The following ZNF320 variants were observed in gnomAD, a reference collection of about 807,000 sequenced individuals.
ZNF320 encodes the protein zinc finger gene 320.
In ZNF320, 2 loss-of-function variants were observed where a neutral mutation model predicts 6.8. The ratio of observed to expected loss-of-function variants is 0.29; its 90% CI spans 0.12 to 0.93. The LOEUF (loss-of-function observed/expected upper bound fraction) is 0.93, where lower values mean the gene tolerates loss of function less well. ZNF320 is among the 40% of genes least tolerant of loss of function. The probability of loss-of-function intolerance (pLI) is 0.55; values close to 1 mark genes in which losing one functional copy is unlikely to be tolerated. For missense variants in ZNF320, 472 were observed against 611.0 expected (o/e 0.77, Z 2.40); for synonymous variants, 208 against 203.2 (o/e 1.02, Z -0.20).
At chr19:52,891,566 G>A (rs1017356416) in intron 2 of ZNF320, among the ~76,000 whole-genome samples, 1 of 152,120 alleles carries the variant, frequency 6.6e-6, no homozygotes, top group Non-Finnish European at 1.5e-5. Flanking sequence ...GACAGGAAGG[G>A]TTTTGATGTT....
In ZNF320 at chr19:52,881,276, G is replaced by A; in HGVS notation, c.850C>T (p.Arg284Ter). 7 of 1,613,970 alleles carry A rather than the reference G, an allele frequency of 4.3e-6. No homozygotes were observed. Among genetic ancestry groups the A allele is most frequent in the Non-Finnish European group, 5.9e-6 (7 of 1,179,974 alleles). Residue 284 changes from arginine to a stop codon, truncating the protein, a stop_gained, in exon 6 of 6, where the codon CGA becomes TGA. Coordinates refer to ENST00000682928, the MANE Select transcript of ZNF320 (RefSeq NM_001351774.2). LOFTEE classifies it low-confidence loss of function (END_TRUNC). ...KCNECGKTFA[R>*]NSVLVIHKAV... is the part of the protein sequence containing the mutation. The stretch of plus-strand genomic sequence containing the variant: ...TTATGAATTACGAGGACTGAATTTC[G>A]AGCGAAGGTCTTGCCACACTCATTA...
chr19:52,862,616 T>C (rs1203449168), exon 6 of ZNF320: 2 of 493,034 alleles, frequency 4.1e-6, no homozygotes, highest in African/African-American at 2.0e-5. Context: ...GATTGCTTGA[T>C]GGTGAATAGG....
intron 2 of ZNF320, among the ~76,000 whole-genome samples, chr19:52,892,552 AC>A (rs2064329633): frequency 6.6e-6 from 1 of 152,146 alleles, no homozygotes; most frequent in Non-Finnish European, 1.5e-5. Context: ...GGAGTTCGAG[AC>A]CAACCTGGCA....
upstream of ZNF320, among the ~76,000 whole-genome samples, chr19:52,901,416 C>T (rs190843574): frequency 9.9e-5 from 15 of 152,238 alleles, no homozygotes; most frequent in East Asian, 1.9e-3. Context: ...AGTCAGCTTC[C>T]GGGTGTGACT....
intron 2 of ZNF320, among the ~76,000 whole-genome samples, chr19:52,893,096 G>C (rs1396956959): frequency 6.7e-6 from 1 of 149,836 alleles, no homozygotes; most frequent in Non-Finnish European, 1.5e-5. Context: ...TCTTTTCTCT[G>C]TCTCAGGTTT....
rs1181103740 is a variant in ZNF320 at position 52,881,183 on chromosome 19, T to C, written c.943A>G (p.Thr315Ala). 6.2e-7 allele frequency: 1 copy of C among 1,613,584 alleles called. No homozygotes were observed. Among genetic ancestry groups the C allele is most frequent in the East Asian group, 2.2e-5 (1 of 44,806 alleles). ...TGAACTCTACGATGTCCTGCAAGAG[T>C]TGCTCGTTGCTTAAAAACCTTGCCA... ...ECGKVFKQRA[T>A]LAGHRRVHTG... Residue 315 changes from threonine (T) to alanine (A), a missense_variant, in exon 6 of 6, where the codon ACT (threonine) becomes GCT (alanine). Thr to Ala is a moderately conservative substitution (Grantham distance 58). This residue lies in a region of ZNF320 where 462 missense variants were observed against 559.7 expected (regional missense o/e 0.83). Transcript: ENST00000682928.
At chr19:52,875,733 T>C (rs2063754335), downstream of ZNF320, among the ~76,000 whole-genome samples, 1 of 151,378 alleles carries the variant, frequency 6.6e-6, no homozygotes. Flanking sequence ...TGAGTCAAGA[T>C]GGTGCCACTG....
intron 5 of ZNF320, chr19:52,865,432 C>CTTTTTT (rs199736368): frequency 2.6e-4 from 29 of 113,514 alleles, no homozygotes; most frequent in Admixed American, 4.8e-4. Flanking sequence ...AGGGTCCAGG[C>CTTTTTT]TTTATATATA....
rs10404765 is a variant in ZNF320, at chr19:52,889,845, T to C, written c.15+396A>G. Among the ~76,000 whole-genome samples the C allele has an allele frequency of 6.4e-3, 972 of 152,280 alleles. 11 individuals are homozygous for C. Among genetic ancestry groups the C allele is most frequent in the African/African-American group, 0.022 (922 of 41,554 alleles). On this transcript the variant is annotated intron_variant, in intron 4 of 5. Coordinates refer to ENST00000682928, the MANE Select transcript of ZNF320 (RefSeq NM_001351774.2). ...CTATTATTGGTCTCTCTTTCTAGAATTTACCATGCACTTTGTGCACATTAA... is the reference window on the plus strand; with the variant it reads ...CTATTATTGGTCTCTCTTTCTAGAACTTACCATGCACTTTGTGCACATTAA...
intron 4 of ZNF320, 122 bp downstream of exon 4, chr19:52,890,119 T>C (rs2064238814): frequency 2.1e-6 from 3 of 1,434,594 alleles, no homozygotes; most frequent in African/African-American, 2.8e-5. Context: ...AGGGAAGGCA[T>C]GGGTGATTGT....
chr19:52,883,022 T>G (rs902329528), intron 5 of ZNF320, among the ~76,000 whole-genome samples: 2 of 152,114 alleles, frequency 1.3e-5, no homozygotes, highest in Non-Finnish European at 2.9e-5. Context: ...ACAGGCATGT[T>G]GTAACTTAAA....
chr19:52,877,157 G>A lies in ZNF320; in HGVS notation c.*3439C>T, dbSNP rs756378366. 4 of 152,304 alleles carry A rather than the reference G, an allele frequency of 2.6e-5. No homozygotes were observed. Among genetic ancestry groups the A allele is most frequent in the African/African-American group, 9.6e-5 (4 of 41,460 alleles). 9.4% of individuals were successfully genotyped at this position (152,304 alleles called of 1,614,324 possible). A position where few individuals can be genotyped will look rare whatever the true frequency, so the allele number is the denominator to read the frequency against. ...CATGCGTCCTGGGTCTGGGGACAGG[G>A]AGAGTCTAAGGCCAATTAACACGAA... is the stretch of plus-strand genomic sequence containing the variant. On this transcript the variant is annotated 3_prime_UTR_variant, in exon 6 of 6. Transcript: ENST00000682928.
intron 5 of ZNF320, among the ~76,000 whole-genome samples, chr19:52,868,157 C>A (rs1195642664): frequency 6.6e-6 from 1 of 152,126 alleles, no homozygotes. Flanking sequence ...CAGTTTACAG[C>A]CTGTCATATA....
At chr19:52,865,413 G>A (rs1048755775) in intron 5 of ZNF320, 3 of 255,308 alleles carry the variant, frequency 1.2e-5, no homozygotes, top group African/African-American at 5.2e-5. Flanking sequence ...TGTATAAAGC[G>A]TTCTGTGCAG....
At chr19:52,868,674 A>C (rs905408646) in intron 5 of ZNF320, among the ~76,000 whole-genome samples, 24 of 152,002 alleles carry the variant, frequency 1.6e-4, no homozygotes, top group African/African-American at 5.6e-4. Flanking sequence ...TTTCTAAGCA[A>C]AATAGTCCAC....
chr19:52,883,287 C>T (rs866136429), intron 5 of ZNF320, among the ~76,000 whole-genome samples: 6 of 151,950 alleles, frequency 3.9e-5, no homozygotes, highest in African/African-American at 1.5e-4. Flanking sequence ...CCTGTGATCT[C>T]GAACTCTGGT....
intron 4 of ZNF320, among the ~76,000 whole-genome samples, chr19:52,889,770 G>C (rs1394794342): frequency 2.0e-5 from 3 of 152,148 alleles, no homozygotes; most frequent in Admixed American, 6.5e-5. Flanking sequence ...AACACAGTAA[G>C]TCACTCAATT....
chr19:52,892,356 A>C (rs2147881176), intron 2 of ZNF320: 1 of 152,564 alleles, frequency 6.6e-6, no homozygotes, highest in South Asian at 2.1e-4. Flanking sequence ...ACAAGAGTGA[A>C]ACTGTGTCTC....
chr19:52,901,601 A>G (rs1198411366), upstream of ZNF320, among the ~76,000 whole-genome samples: 2 of 152,214 alleles, frequency 1.3e-5, no homozygotes, highest in Non-Finnish European at 2.9e-5. Flanking sequence ...GCTCTTTGAT[A>G]CTAGGAGTAA....
Sources: allele counts gnomAD v4.1 joint callset (sites outside exome capture counted in the v4.1 genomes callset), GRCh38; gene constraint gnomAD v4.1.1; regional missense constraint gnomAD v4.1.1; transcripts MANE v1.5; gene names NCBI Gene and HGNC (gene_info 2026-07-23, HGNC 2026-07-21).